PHF24: variants seen among roughly 807,000 people sequenced by gnomAD.
The protein encoded by PHF24 is PHD finger protein 24.
In PHF24, 25 loss-of-function variants were observed where a neutral mutation model predicts 42.6. The observed-to-expected ratio is 0.59, with a 90% CI of 0.43 to 0.82. The LOEUF is 0.82. Ranked by LOEUF, PHF24 falls within the 40% of genes least tolerant of loss-of-function variation. The pLI is 0.00. For missense variants in PHF24, 470 were observed against 538.1 expected (o/e 0.87, Z 1.25); for synonymous variants, 185 against 204.8 (o/e 0.90, Z 0.83).
the PHF24 span, chr9:34,709,269 G>A: frequency 2.6e-6 from 3 of 1,160,704 alleles, no homozygotes; most frequent in Admixed American, 2.2e-5. Context: ...AAAGAGTGTG[G>A]CAAGGCCAGC....
chr9:34,750,613 CA>C, the PHF24 span, among the ~76,000 whole-genome samples: 4 of 151,884 alleles, frequency 2.6e-5, no homozygotes, highest in Admixed American at 1.3e-4. Flanking sequence ...TTTATTTATG[CA>C]ATCAGTGTTA....
At chr9:34,963,451 G>C (rs915354280) in intron 1 of PHF24, among the ~76,000 whole-genome samples, 17 of 152,008 alleles carry the variant, frequency 1.1e-4, no homozygotes, top group Non-Finnish European at 2.4e-4. Flanking sequence ...TCAGCCCTTT[G>C]GGCACATGCT....
At chr9:34,793,115 T>TA in the PHF24 span, among the ~76,000 whole-genome samples, 1 of 152,126 alleles carries the variant, frequency 6.6e-6, no homozygotes, top group Admixed American at 6.5e-5. Flanking sequence ...TATTATTATA[T>TA]AATTCTTATG....
the PHF24 span, among the ~76,000 whole-genome samples, chr9:34,752,309 A>G: frequency 6.6e-6 from 1 of 152,140 alleles, no homozygotes; most frequent in Non-Finnish European, 1.5e-5. Context: ...CCAGGCTAAG[A>G]AAAAAGAGAG....
chr9:34,755,831 A>G, the PHF24 span, among the ~76,000 whole-genome samples: 9 of 151,870 alleles, frequency 5.9e-5, no homozygotes, highest in African/African-American at 2.2e-4. Flanking sequence ...CTGGATATAA[A>G]TCACCTGTTA....
chr9:34,678,826 T>C, the PHF24 span, among the ~76,000 whole-genome samples: 1 of 152,144 alleles, frequency 6.6e-6, no homozygotes, highest in Non-Finnish European at 1.5e-5. Context: ...AGATGGGGTT[T>C]CACCATGTTG....
intron 3 of PHF24, among the ~76,000 whole-genome samples, chr9:34,974,664 T>C (rs1827123005): frequency 6.6e-6 from 1 of 152,156 alleles, no homozygotes; most frequent in Non-Finnish European, 1.5e-5. Context: ...CACTGCGCCC[T>C]CTTTGGTGAC....
At chr9:34,691,965 C>T in the PHF24 span, among the ~76,000 whole-genome samples, 1 of 152,176 alleles carries the variant, frequency 6.6e-6, no homozygotes, top group Non-Finnish European at 1.5e-5. Context: ...CATTTTCCCC[C>T]TTTTCTCAGT....
chr9:34,806,453 G>GT, the PHF24 span, among the ~76,000 whole-genome samples: 11 of 152,146 alleles, frequency 7.2e-5, no homozygotes, highest in South Asian at 6.2e-4. Context: ...TTGTTTTGGG[G>GT]TTTTTTGTGT....
At chr9:34,728,470 C>T in the PHF24 span, 2 of 751,540 alleles carry the variant, frequency 2.7e-6, no homozygotes, top group Admixed American at 2.9e-5. Flanking sequence ...TGATTTCCCA[C>T]CCATGGAAAT....
chr9:34,802,305 C>T, the PHF24 span, among the ~76,000 whole-genome samples: 2 of 152,202 alleles, frequency 1.3e-5, no homozygotes, highest in African/African-American at 4.8e-5. Context: ...AGACCCAGAC[C>T]TAGCCAATTG....
chr9:34,825,949 G>T, the PHF24 span, among the ~76,000 whole-genome samples: 1 of 152,084 alleles, frequency 6.6e-6, no homozygotes, highest in African/African-American at 2.4e-5. Flanking sequence ...TGTGGCCTTT[G>T]TAGTAGGCCT....
the PHF24 span, among the ~76,000 whole-genome samples, chr9:34,924,253 A>C: frequency 6.6e-6 from 1 of 152,140 alleles, no homozygotes; most frequent in Non-Finnish European, 1.5e-5. Flanking sequence ...CCATGTGCTG[A>C]GGAGAAGAAT....
chr9:34,971,640 C>G, exon 2 of PHF24: 1 of 1,613,392 alleles, frequency 6.2e-7, no homozygotes, highest in Non-Finnish European at 8.5e-7. Flanking sequence ...TGGATGATGA[C>G]AAACCTCCAG....
chr9:34,817,488 T>C, the PHF24 span, among the ~76,000 whole-genome samples: 4 of 152,296 alleles, frequency 2.6e-5, no homozygotes, highest in South Asian at 8.3e-4. Flanking sequence ...CAAACGATCC[T>C]CCTGCTTTCA....
the PHF24 span, among the ~76,000 whole-genome samples, chr9:34,752,236 A>G: frequency 6.6e-6 from 1 of 152,158 alleles, no homozygotes; most frequent in Non-Finnish European, 1.5e-5. Context: ...TAAAAAATAC[A>G]TAAGATCAAT....
At chr9:34,805,076 G>A in the PHF24 span, among the ~76,000 whole-genome samples, 1 of 152,056 alleles carries the variant, frequency 6.6e-6, no homozygotes, top group East Asian at 1.9e-4. Context: ...TCCATTGTAT[G>A]GATATACCAT....
chr9:34,668,499 G>T, the PHF24 span, among the ~76,000 whole-genome samples: 1 of 152,148 alleles, frequency 6.6e-6, no homozygotes, highest in African/African-American at 2.4e-5. Context: ...GTCATCACAA[G>T]GGCACACCCA....
At chr9:34,708,990 C>T in the PHF24 span, 1 of 212,682 alleles carries the variant, frequency 4.7e-6, no homozygotes, top group Non-Finnish European at 9.2e-6. Context: ...GACATAAACA[C>T]ATGGGAACAG....
Sources: allele counts gnomAD v4.1 joint callset (sites outside exome capture counted in the v4.1 genomes callset), GRCh38; gene constraint gnomAD v4.1.1; transcripts MANE v1.5; gene names NCBI Gene and HGNC (gene_info 2026-07-23, HGNC 2026-07-21).